GLI2: variants seen among roughly 807,000 people sequenced by gnomAD.
GLI2 encodes the protein transcription activator GLI2.
Under a neutral mutation model 78.9 loss-of-function variants are expected in GLI2, and 22 were observed. The ratio of observed to expected loss-of-function variants is 0.28; its 90% CI spans 0.20 to 0.40. The LOEUF is 0.40. GLI2 is among the 10% of genes least tolerant of loss of function. The pLI is 1.00. For synonymous variants in GLI2, 974 were observed against 963.7 expected (o/e 1.01, Z -0.20); for missense variants, 2,097 against 2,213.2 (o/e 0.95, Z 1.05).
At chr2:120,966,237 G>A (rs879931727) in intron 5 of GLI2, among the ~76,000 whole-genome samples, 8 of 152,070 alleles carry the variant, frequency 5.3e-5, no homozygotes, top group Non-Finnish European at 7.4e-5. Context: ...CATCCCACTG[G>A]GTCACAGCAA....
At chr2:120,761,565 G>A (rs748446877) in intron 1 of GLI2, among the ~76,000 whole-genome samples, 1 of 152,210 alleles carries the variant, frequency 6.6e-6, no homozygotes, top group Non-Finnish European at 1.5e-5. Context: ...GGAGGGCGTA[G>A]TGGGATAGAG....
At chr2:120,852,007 G>A (rs950266576) in intron 2 of GLI2, among the ~76,000 whole-genome samples, 1 of 152,178 alleles carries the variant, frequency 6.6e-6, no homozygotes, top group Non-Finnish European at 1.5e-5. Context: ...ACGTCTTGGA[G>A]AAATACACCA....
At chr2:120,867,828 G>A (rs939560801) in intron 2 of GLI2, among the ~76,000 whole-genome samples, 1 of 152,168 alleles carries the variant, frequency 6.6e-6, no homozygotes, top group East Asian at 1.9e-4. Flanking sequence ...GAGGGAGGAT[G>A]GGGGAGGAAA....
chr2:120,945,957 T>TCTCACACACACACACACACACA (rs1553470434), intron 3 of GLI2, among the ~76,000 whole-genome samples: 2 of 134,158 alleles, frequency 1.5e-5, no homozygotes, highest in Non-Finnish European at 3.2e-5. Context: ...CATAACCTTC[T>TCTCACACACACACACACACACA]CACACACACA....
At chr2:120,762,436 G>T (rs1305956985) in intron 1 of GLI2, among the ~76,000 whole-genome samples, 1 of 152,208 alleles carries the variant, frequency 6.6e-6, no homozygotes. Context: ...AGGCAGGTTG[G>T]CTGGTGCCAA....
rs544836672 is a variant in GLI2, at chr2:120,970,275, G to A, written c.846-118G>A. 13 of 660,170 alleles carry A rather than the reference G, an allele frequency of 2.0e-5. No individual in the cohort carries two copies. The African/African-American group carries it at 2.1e-4, about 11-fold the overall frequency. 40.9% of individuals were successfully genotyped at this position (660,170 alleles called of 1,614,324 possible). On this transcript the variant is annotated intron_variant, in intron 6 of 13. Coordinates refer to ENST00000361492, the MANE Select transcript of GLI2 (RefSeq NM_001374353.1). Reference sequence around the variant, plus strand: ...TGAGTGAGGAAGCCACGGTGATGGTGGGGCTAGCAACATGCTCATCCCTAT... The same window carrying A: ...TGAGTGAGGAAGCCACGGTGATGGTAGGGCTAGCAACATGCTCATCCCTAT...
At chr2:120,956,981 C>G (rs1056503943) in intron 5 of GLI2, among the ~76,000 whole-genome samples, 1 of 152,202 alleles carries the variant, frequency 6.6e-6, no homozygotes, top group African/African-American at 2.4e-5. Context: ...TCCCCTGCCC[C>G]CCTCAGTCAC....
intron 2 of GLI2, among the ~76,000 whole-genome samples, chr2:120,826,687 C>G (rs1476887813): frequency 6.6e-6 from 1 of 152,224 alleles, no homozygotes; most frequent in Non-Finnish European, 1.5e-5. Context: ...CTGCGTCACA[C>G]AGGTTGGGGA....
At chr2:120,950,997 C>T (rs1351756371) in intron 3 of GLI2, among the ~76,000 whole-genome samples, 3 of 152,350 alleles carry the variant, frequency 2.0e-5, no homozygotes, top group African/African-American at 7.2e-5. Context: ...CATTCTCCAG[C>T]GTGGAACTGG....
intron 4 of GLI2, among the ~76,000 whole-genome samples, chr2:120,952,476 C>T (rs574363819): frequency 1.3e-5 from 2 of 152,310 alleles, no homozygotes; most frequent in East Asian, 1.9e-4. Context: ...TGAGAATGTG[C>T]AGGCTGGGAT....
chr2:120,922,125 A>G (rs1369441711), intron 2 of GLI2, among the ~76,000 whole-genome samples: 2 of 152,134 alleles, frequency 1.3e-5, no homozygotes, highest in African/African-American at 2.4e-5. Flanking sequence ...CCTTGTCACA[A>G]CACTGTTCCC....
intron 1 of GLI2, among the ~76,000 whole-genome samples, chr2:120,757,836 A>C (rs1369246771): frequency 1.3e-5 from 2 of 151,968 alleles, no homozygotes; most frequent in Non-Finnish European, 2.9e-5. Context: ...GCTAAGGCTC[A>C]CCTCTTTGGT....
chr2:120,877,613 A>G (rs914789262), intron 2 of GLI2, among the ~76,000 whole-genome samples: 1 of 152,208 alleles, frequency 6.6e-6, no homozygotes, highest in African/African-American at 2.4e-5. Flanking sequence ...CTTTATGTCA[A>G]TGGAATTATG....
At chr2:120,873,987 C>G (rs769417123) in intron 2 of GLI2, among the ~76,000 whole-genome samples, 10 of 152,338 alleles carry the variant, frequency 6.6e-5, no homozygotes, top group Admixed American at 1.3e-4. Flanking sequence ...CAGGGATAAT[C>G]TGCTGCCCCC....
chr2:120,906,312 G>T (rs1678529700), intron 2 of GLI2, among the ~76,000 whole-genome samples: 1 of 152,176 alleles, frequency 6.6e-6, no homozygotes, highest in Non-Finnish European at 1.5e-5. Context: ...CCACACATCA[G>T]GCCCGGAGCC....
chr2:120,850,515 G>A (rs1010357018), intron 2 of GLI2, among the ~76,000 whole-genome samples: 5 of 152,176 alleles, frequency 3.3e-5, no homozygotes, highest in Admixed American at 6.5e-5. Flanking sequence ...GGGACTCAAA[G>A]CATTTACCTT....
At chr2:120,974,779 A>AGTGTGTGT in intron 8 of GLI2, 196 bp from the exon 9 acceptor site, 2 of 648,962 alleles carry the variant, frequency 3.1e-6, no homozygotes, top group Non-Finnish European at 5.6e-6. Context: ...AAGGCTGATG[A>AGTGTGTGT]GTGTGTGTGT....
At chr2:120,923,346 G>T (rs1196424084) in intron 2 of GLI2, among the ~76,000 whole-genome samples, 1 of 150,478 alleles carries the variant, frequency 6.6e-6, no homozygotes, top group African/African-American at 2.5e-5. Context: ...AAACACGGCA[G>T]CAGACACATA....
intron 2 of GLI2, among the ~76,000 whole-genome samples, chr2:120,819,992 G>A (rs983523572): frequency 6.6e-6 from 1 of 152,112 alleles, no homozygotes; most frequent in Non-Finnish European, 1.5e-5. Context: ...AACAGAATAC[G>A]AGCACAGGCA....
Sources: gnomAD v4.1 joint callset for allele counts (sites outside exome capture counted in the v4.1 genomes callset) on GRCh38, gnomAD v4.1.1 for gene constraint, MANE v1.5 for transcripts, NCBI Gene and HGNC (gene_info 2026-07-23, HGNC 2026-07-21) for gene names.